TMEM63A: variants seen among roughly 807,000 people sequenced by gnomAD.
The protein encoded by TMEM63A is mechanosensitive cation channel TMEM63A.
TMEM63A carries 76 observed loss-of-function variants against 100.6 expected under a neutral mutation model. The ratio of observed to expected loss-of-function variants is 0.76; its 90% CI spans 0.63 to 0.91. The LOEUF (loss-of-function observed/expected upper bound fraction) is 0.91, where lower values mean the gene tolerates loss of function less well. Ranked by LOEUF, TMEM63A falls within the 40% of genes least tolerant of loss-of-function variation. The pLI is 0.00. For synonymous variants in TMEM63A, 401 were observed against 401.1 expected, an observed-to-expected ratio of 1.00 and a Z score of 0.00; for missense variants, 876 against 1,008.8, an observed-to-expected ratio of 0.87 and a Z score of 1.78.
At chr1:225,858,948 A>ATGTGTGTGTGTGTGTGTGTG (rs57543496) in intron 15 of TMEM63A, among the ~76,000 whole-genome samples, 1 of 139,676 alleles carries the variant, frequency 7.2e-6, no homozygotes, top group African/African-American at 2.7e-5. Context: ...TATACATATA[A>ATGTGTGTGTGTGTGTGTGTG]TGTGTGTGTG....
chr1:225,850,381 T>A (rs1191433668), intron 20 of TMEM63A, among the ~76,000 whole-genome samples: 1 of 152,200 alleles, frequency 6.6e-6, no homozygotes, highest in Admixed American at 6.5e-5. Context: ...GCCGAGAGGT[T>A]TGCATAGCTT....
chr1:225,847,360 A>T, intron 23 of TMEM63A, 147 bp from the exon 24 acceptor site: 1 of 997,460 alleles, frequency 1.0e-6, no homozygotes, highest in East Asian at 2.7e-5. Flanking sequence ...GGACATTAAG[A>T]CCGAAAATAT....
downstream of TMEM63A, chr1:225,844,538 T>C (rs1187440103): frequency 1.2e-6 from 2 of 1,614,178 alleles, no homozygotes; most frequent in African/African-American, 1.3e-5. Context: ...CGTCATGCTC[T>C]ACTGGACAAC....
rs142462540 is a variant in TMEM63A at position 225,851,028 on chromosome 1, G to A, written c.1904-949C>T. On this transcript the variant is annotated intron_variant, in intron 20 of 24. Transcript: ENST00000366835. ...ACCCGGCAGTGTATGTCTTTCATCC[G>A]TCGCTGGGTCAGGGTCTGTGGGACA... Among the ~76,000 whole-genome samples the A allele has an allele frequency of 5.9e-4, 89 of 152,110 alleles. 2 individuals carry two copies. The highest frequency in any genetic ancestry group is 1.9e-3 in the African/African-American group (78 of 41,504).
Position 225,856,909 on chromosome 1 carries a change from A to AC in TMEM63A, c.1484+1dup. 6.2e-7 allele frequency: 1 copy of AC among 1,610,392 alleles called. No homozygotes were observed. Among genetic ancestry groups the AC allele is most frequent in the Non-Finnish European group, 8.5e-7 (1 of 1,178,884 alleles). ...AGGGCCTCGGGGCTCCCGGGCACTC[A>AC]CTTGGTCCAGTGAGACTCCAGCAGT... On this transcript the variant is annotated splice_donor_variant, in intron 16 of 24. Transcript: ENST00000366835. LOFTEE classifies it high-confidence loss of function.
chr1:225,881,852 C>A lies in TMEM63A; in HGVS notation c.-206+452G>T, dbSNP rs1168962716. On this transcript the variant is annotated intron_variant, in intron 1 of 24. Transcript: ENST00000366835. ...CTCCCTCCTCAGGACTCCGCCAAGG[C>A]TGCAGGAAGTGGTCACCCAGGAACA... 5.3e-5 allele frequency among the ~76,000 whole-genome samples: 8 copies of A among 151,884 alleles called. No individual in the cohort carries two copies. The East Asian group carries it at 1.4e-3, about 26-fold the overall frequency.
intron 6 of TMEM63A, among the ~76,000 whole-genome samples, chr1:225,869,003 C>T (rs546482786): frequency 8.5e-5 from 13 of 152,302 alleles, no homozygotes; most frequent in East Asian, 7.7e-4. Flanking sequence ...TCCCTGAAGG[C>T]GCTACTTCTA....
intron 10 of TMEM63A, among the ~76,000 whole-genome samples, chr1:225,863,436 A>G (rs544667910): frequency 6.6e-6 from 1 of 152,326 alleles, no homozygotes; most frequent in South Asian, 2.1e-4. Context: ...CTCCTGGGGA[A>G]AAATGAACAC....
At chr1:225,880,082 C>T (rs866686863) in intron 1 of TMEM63A, among the ~76,000 whole-genome samples, 1 of 152,126 alleles carries the variant, frequency 6.6e-6, no homozygotes, top group Middle Eastern at 3.2e-3. Flanking sequence ...TGTCTCTTGC[C>T]AAATAGGCTT....
intron 6 of TMEM63A, among the ~76,000 whole-genome samples, chr1:225,870,568 A>G (rs1199665788): frequency 2.0e-5 from 3 of 152,162 alleles, no homozygotes; most frequent in Non-Finnish European, 2.9e-5. Context: ...CTTGTAACCA[A>G]ATGAATTGAA....
rs751662951 is a variant in TMEM63A, at chr1:225,877,572, G to A, written c.9C>T (p.Asp3=). 12 of 1,613,078 alleles carry A rather than the reference G, an allele frequency of 7.4e-6. No homozygotes were observed. Among genetic ancestry groups the A allele is most frequent in the African/African-American group, 1.3e-5 (1 of 74,928 alleles). The change falls in exon 3 of 25, where the codon GAC becomes GAT. Residue 3 remains aspartate, a synonymous_variant. Transcript: ENST00000366835. MM[D]SPFLELWQSK... ...ACTGCCACAGCTCCAGGAACGGGGA[G>A]TCCATCATCGCGCCTGTCTTCCCTG...
rs527273477 is a variant in TMEM63A, at chr1:225,856,700, A to G, written c.1523T>C (p.Ile508Thr). Residue 508 changes from isoleucine (I) to threonine (T), a missense_variant, in exon 17 of 25, where the codon ATA becomes ACA. By Grantham distance (89) the Ile-to-Thr change is moderately conservative. Coordinates refer to ENST00000366835, the MANE Select transcript of TMEM63A (RefSeq NM_014698.3). ...ENQIMMTKVY[I>T]FLIFMVLILP... ...GATCAGCACCATGAAGATCAAGAAT[A>G]TGTAGACTTTGGTCATCATGATCTG... is the stretch of plus-strand genomic sequence containing the variant. 2.5e-6 allele frequency: 4 copies of G among 1,613,772 alleles called. No individual in the cohort carries two copies. In the South Asian group the frequency reaches 3.3e-5, roughly 13 times the overall value.
At chr1:225,844,984 A>G (rs1339732510), downstream of TMEM63A, among the ~76,000 whole-genome samples, 1 of 152,176 alleles carries the variant, frequency 6.6e-6, no homozygotes, top group Non-Finnish European at 1.5e-5. Flanking sequence ...GAAGGCCCTC[A>G]GTGAGGGGAG....
In TMEM63A at chr1:225,877,866, C is replaced by T. The variant is rs1327098852; in HGVS notation, c.-14-272G>A. ...ACAGTGGGCAGATCCCCAGAGGGGG[C>T]GACATGGAGCAAAGGAGGGACAGAG... On this transcript the variant is annotated intron_variant, in intron 2 of 24. Coordinates refer to ENST00000366835, the MANE Select transcript of TMEM63A (RefSeq NM_014698.3). Among the ~76,000 whole-genome samples, 8 of 152,226 alleles carry T rather than the reference C, an allele frequency of 5.3e-5. No homozygotes were observed. The East Asian group carries it at 1.2e-3, about 22-fold the overall frequency.
intron 17 of TMEM63A, 139 bp downstream of exon 17, chr1:225,856,513 G>A: frequency 1.3e-6 from 1 of 750,164 alleles, no homozygotes; most frequent in Non-Finnish European, 2.2e-6. Flanking sequence ...CAGCCCTACT[G>A]CACGCCGAGT....
chr1:225,874,149 G>A, intron 4 of TMEM63A, 139 bp downstream of exon 4: 1 of 776,920 alleles, frequency 1.3e-6, no homozygotes. Context: ...GGCTTCATAA[G>A]CCCCTAGCCC....
rs185837740 is a variant in TMEM63A at position 225,850,901 on chromosome 1, T to C, written c.1904-822A>G. 1.8e-4 allele frequency among the ~76,000 whole-genome samples: 27 copies of C among 152,084 alleles called. No homozygotes were observed. The East Asian group carries it at 3.1e-3, about 17-fold the overall frequency. ...TAATTTTTTATATTTTTAGTAGAGA[T>C]AGGGTTTCACCATGTTAACCAGGAT... On this transcript the variant is annotated intron_variant, in intron 20 of 24. Coordinates refer to ENST00000366835, the MANE Select transcript of TMEM63A (RefSeq NM_014698.3).
Position 225,862,594 on chromosome 1 carries a change from C to A in TMEM63A, c.828-16G>T, listed in dbSNP as rs369280363. On this transcript the variant is annotated splice_polypyrimidine_tract_variant and intron_variant, in intron 11 of 24. Transcript: ENST00000366835. This position sits in a 1 kb window ranked among gnomAD's most constrained non-coding sequence, Gnocchi z 5.1. ...AGTCTTCTTTCTGTAGGGGTGGGAG[C>A]GGGGGCACAAACCTCAGATTTAGAA... The A allele has an allele frequency of 5.3e-5, 86 of 1,610,390 alleles. No individual in the cohort carries two copies. Among genetic ancestry groups the A allele is most frequent in the Non-Finnish European group, 6.9e-5 (81 of 1,178,188 alleles).
downstream of TMEM63A, chr1:225,844,515 A>G: frequency 6.2e-7 from 1 of 1,614,084 alleles, no homozygotes; most frequent in Non-Finnish European, 8.5e-7. Flanking sequence ...TCCCTGGACG[A>G]CCTGCTGACC....
Sources: gnomAD v4.1 joint callset for allele counts (sites outside exome capture counted in the v4.1 genomes callset) on GRCh38, gnomAD v4.1.1 for gene constraint, Gnocchi (gnomAD v3.1) non-coding constraint, MANE v1.5 for transcripts, NCBI Gene and HGNC (gene_info 2026-07-23, HGNC 2026-07-21) for gene names.